Variants in DISP1 observed in about 807,000 individuals in gnomAD.
DISP1 encodes the protein protein dispatched homolog 1.
DISP1 carries 30 observed loss-of-function variants against 37.3 expected under a neutral mutation model. The ratio of observed to expected loss-of-function variants is 0.80; its 90% CI spans 0.60 to 1.09. The LOEUF is 1.09. Ranked by LOEUF, DISP1 falls within the 50% of genes least tolerant of loss-of-function variation. DISP1 has a pLI of 0.00. For missense variants in DISP1, 1,598 were observed against 1,879.5 expected (o/e 0.85, Z 2.77); for synonymous variants, 634 against 690.2 (o/e 0.92, Z 1.28).
At chr1:222,933,276 A>G (rs1223430150) in intron 2 of DISP1, among the ~76,000 whole-genome samples, 2 of 151,952 alleles carry the variant, frequency 1.3e-5, no homozygotes, top group African/African-American at 4.8e-5. Flanking sequence ...TGAATATTGA[A>G]ACAAAACATT....
intron 2 of DISP1, among the ~76,000 whole-genome samples, chr1:222,939,681 T>G (rs1200967006): frequency 2.0e-5 from 3 of 150,688 alleles, no homozygotes; most frequent in African/African-American, 7.3e-5. Context: ...AATACAAAAA[T>G]TAGCTGGGTG....
At position 222,820,375 on chromosome 1, in the gene DISP1, A is replaced by G. The variant is rs1204384625; in HGVS notation, c.-159+5297A>G. 3.3e-5 allele frequency among the ~76,000 whole-genome samples: 5 copies of G among 152,182 alleles called. No homozygotes were observed. In the East Asian group the frequency reaches 7.7e-4, roughly 23 times the overall value. On this transcript the variant is annotated intron_variant, in intron 1 of 8. Coordinates refer to ENST00000675850, the MANE Select transcript of DISP1 (RefSeq NM_001377229.1). ...TTTTGCAAGTTAGCACAAGCTAGCC[A>G]TTGGGTGATTCACAGGGGATATTTG...
At chr1:222,995,900 G>A (rs1679035922) in intron 8 of DISP1, among the ~76,000 whole-genome samples, 4 of 152,132 alleles carry the variant, frequency 2.6e-5, no homozygotes, top group Admixed American at 1.3e-4. Flanking sequence ...ATAGGCAGTA[G>A]AAAGGAAAGA....
intron 1 of DISP1, among the ~76,000 whole-genome samples, chr1:222,837,804 CA>C (rs1473765423): frequency 6.6e-6 from 1 of 151,626 alleles, no homozygotes; most frequent in Non-Finnish European, 1.5e-5. Flanking sequence ...TAATTAAGAC[CA>C]AAAAACCATA....
In DISP1 at chr1:223,004,599, C is replaced by T. The variant is rs781023274; in HGVS notation, c.3202C>T (p.Arg1068Ter). Residue 1068 changes from arginine to a stop codon, truncating the protein, a stop_gained, in exon 9 of 9, where the codon CGA becomes TGA. Coordinates refer to ENST00000675850, the MANE Select transcript of DISP1 (RefSeq NM_001377229.1). LOFTEE classifies it low-confidence loss of function (END_TRUNC). This position sits in a 1 kb window ranked among gnomAD's most constrained non-coding sequence, Gnocchi z 4.9. ...VAYRLAPDPD[R>*]EGKVIFSLSR... ...CTACCGCTTGGCTCCAGATCCCGAC[C>T]GAGAAGGCAAAGTGATCTTCTCTCT... is the stretch of plus-strand genomic sequence containing the variant. 27 of 1,614,110 alleles carry T rather than the reference C, an allele frequency of 1.7e-5. No homozygotes were observed. Among genetic ancestry groups the T allele is most frequent in the South Asian group, 2.2e-5 (2 of 91,062 alleles).
intron 1 of DISP1, among the ~76,000 whole-genome samples, chr1:222,825,499 C>CTTTTT (rs954921482): frequency 7.6e-6 from 1 of 131,814 alleles, no homozygotes; most frequent in Non-Finnish European, 1.6e-5. Flanking sequence ...ACCTGTTTCT[C>CTTTTT]TTTTTTTTTT....
chr1:223,005,714 G>A lies in DISP1; in HGVS notation c.4317G>A (p.Val1439=). 6.2e-7 allele frequency: 1 copy of A among 1,614,122 alleles called. No individual in the cohort carries two copies. The highest frequency in any genetic ancestry group is 1.1e-5 in the South Asian group (1 of 91,080). The change falls in exon 9 of 9, where the codon GTG becomes GTA. Residue 1439 remains valine, a synonymous_variant. Transcript: ENST00000675850. ...CTGAAAACAAGGCAGGAGGGAAAGT[G>A]GAGCTGAGCTTGTCACAGACGGATG... ...GGTENKAGGK[V]ELSLSQTDAS... is the part of the protein sequence containing the mutation.
At chr1:222,978,146 A>G (rs1011742102) in intron 3 of DISP1, among the ~76,000 whole-genome samples, 4 of 152,198 alleles carry the variant, frequency 2.6e-5, no homozygotes, top group Non-Finnish European at 4.4e-5. Flanking sequence ...TCCCAGTGTA[A>G]AAGTGTTCCT....
In DISP1 at chr1:222,943,077, G is replaced by A. The variant is rs777831995; in HGVS notation, c.254G>A (p.Cys85Tyr). ...PQMLPQCCHP[C>Y]PYHHPLTSHS... ...ATGTTACCCCAATGCTGCCATCCTT[G>A]CCCATACCATCACCCTTTGACTAGC... Residue 85 changes from cysteine (C) to tyrosine (Y), a missense_variant, in exon 3 of 9, where the codon TGC (cysteine) becomes TAC (tyrosine). By Grantham distance (194) the Cys-to-Tyr change is radical. Coordinates refer to ENST00000675850, the MANE Select transcript of DISP1 (RefSeq NM_001377229.1). The A allele has an allele frequency of 9.3e-6, 15 of 1,614,016 alleles. No individual in the cohort carries two copies. The East Asian group carries it at 3.3e-4, about 36-fold the overall frequency.
At position 223,005,034 on chromosome 1, in the gene DISP1, A is replaced by C. The variant is rs765153780; in HGVS notation, c.3637A>C (p.Thr1213Pro). 1.2e-5 allele frequency: 19 copies of C among 1,614,096 alleles called. No individual in the cohort carries two copies. Among genetic ancestry groups the C allele is most frequent in the Non-Finnish European group, 1.6e-5 (19 of 1,180,024 alleles). The change falls in exon 9 of 9, where the codon ACC becomes CCC. Residue 1213 changes from threonine (T) to proline (P), a missense_variant. By Grantham distance (38) the Thr-to-Pro change is conservative. Transcript: ENST00000675850. ...CCCTGAGAAGACCACTTATGAAGAG[A>C]CCCACATCTGCTCTGAATTTTTCAA... ...TAPEKTTYEE[T>P]HICSEFFNSQ...
intron 1 of DISP1, among the ~76,000 whole-genome samples, chr1:222,923,927 G>C (rs1672944555): frequency 6.6e-6 from 1 of 152,096 alleles, no homozygotes. Context: ...TAAGCACAAA[G>C]CAAGTAAAAA....
rs532219446 is a variant in DISP1, at chr1:222,937,381, CG to C, written c.-17-5425del. On this transcript the variant is annotated intron_variant, in intron 2 of 8. Transcript: ENST00000675850. Reference sequence around the variant, plus strand: ...CTGGGATTACAGGCGTGAGCCACTGCGCCCTGCCCCTCTCTATACTTCAATA... The same window carrying C: ...CTGGGATTACAGGCGTGAGCCACTGCCCCTGCCCCTCTCTATACTTCAATA... 3.1e-3 allele frequency among the ~76,000 whole-genome samples: 470 copies of C among 152,154 alleles called. 3 individuals carry two copies. Among genetic ancestry groups the C allele is most frequent in the African/African-American group, 0.011 (454 of 41,514 alleles).
At chr1:222,889,439 T>G (rs992176266) in intron 1 of DISP1, among the ~76,000 whole-genome samples, 1 of 152,124 alleles carries the variant, frequency 6.6e-6, no homozygotes, top group Admixed American at 6.6e-5. Flanking sequence ...GATTTTCTGA[T>G]TAAAGATGAG....
chr1:222,982,938 C>CTTTT (rs10626845), intron 3 of DISP1, 142 bp from the exon 4 acceptor site: 37 of 591,094 alleles, frequency 6.3e-5, no homozygotes, highest in East Asian at 3.1e-4. Flanking sequence ...AATAGATTGC[C>CTTTT]TTTTTTTTTT....
chr1:222,978,558 C>T (rs1204264580), intron 3 of DISP1, among the ~76,000 whole-genome samples: 2 of 152,142 alleles, frequency 1.3e-5, no homozygotes, highest in Non-Finnish European at 2.9e-5. Context: ...GCTTTTGTTG[C>T]CATTGCTTTT....
chr1:222,966,995 G>A (rs1299749092), intron 3 of DISP1, among the ~76,000 whole-genome samples: 1 of 152,048 alleles, frequency 6.6e-6, no homozygotes, highest in Non-Finnish European at 1.5e-5. Context: ...GCAGTTGGAG[G>A]AAAAGGGAGA....
rs1678736622 is a variant in DISP1 at position 222,992,086 on chromosome 1, G to A, written c.865G>A (p.Asp289Asn). 1.2e-6 allele frequency: 2 copies of A among 1,613,744 alleles called. No homozygotes were observed. Among genetic ancestry groups the A allele is most frequent in the Admixed American group, 1.7e-5 (1 of 60,008 alleles). ...KREVDWNFHK[D>N]SFFCDVPSDR... ...AGAAGTTGACTGGAACTTCCACAAG[G>A]ACAGCTTTTTCTGCGACGTTCCAAG... Residue 289 changes from aspartate (D) to asparagine (N), a missense_variant, in exon 7 of 9, where the codon GAC becomes AAC. Asp to Asn is a conservative substitution (Grantham distance 23). Transcript: ENST00000675850.
chr1:222,935,026 G>A (rs1486063298), intron 2 of DISP1, among the ~76,000 whole-genome samples: 2 of 152,064 alleles, frequency 1.3e-5, no homozygotes, highest in African/African-American at 4.8e-5. Flanking sequence ...TGCCATAACT[G>A]AGGCATAATT....
chr1:222,971,320 A>G (rs574493297), intron 3 of DISP1, among the ~76,000 whole-genome samples: 2 of 152,042 alleles, frequency 1.3e-5, no homozygotes, highest in East Asian at 3.9e-4. Flanking sequence ...AAATGAAGAT[A>G]TCACAACAGC....
Sources: gnomAD v4.1 joint callset for allele counts (sites outside exome capture counted in the v4.1 genomes callset) on GRCh38, gnomAD v4.1.1 for gene constraint, Gnocchi (gnomAD v3.1) non-coding constraint, MANE v1.5 for transcripts, NCBI Gene and HGNC (gene_info 2026-07-23, HGNC 2026-07-21) for gene names.